The following NEGR1 variants were observed in gnomAD, a reference collection of about 807,000 sequenced individuals.
NEGR1 encodes the protein neuronal growth regulator 1, also known as IgLON family member 4.
A neutral mutation model predicts 40.9 loss-of-function variants in NEGR1; 10 were observed. That is an observed-to-expected ratio of 0.24 (90% CI 0.15 to 0.42). The LOEUF (loss-of-function observed/expected upper bound fraction) is 0.42, where lower values mean the gene tolerates loss of function less well. NEGR1 is among the 10% of genes least tolerant of loss of function. The pLI is 1.00. For synonymous variants in NEGR1, 185 were observed against 166.8 expected, an observed-to-expected ratio of 1.11 and a Z score of -0.84; for missense variants, 352 against 438.9, an observed-to-expected ratio of 0.80 and a Z score of 1.77.
At chr1:71,971,580 T>C (rs1055602348) in intron 1 of NEGR1, among the ~76,000 whole-genome samples, 2 of 152,216 alleles carry the variant, frequency 1.3e-5, no homozygotes, top group African/African-American at 4.8e-5. Flanking sequence ...GTTAAAGTAC[T>C]AGGTAGATAA....
chr1:71,754,424 G>T lies in NEGR1; in HGVS notation c.535+21748C>A, dbSNP rs564896145. Reference sequence around the variant, plus strand: ...TGGTCTTTTTAACATAAATATTTTTGGTGAAATAAGGAAAAATCCCCTCTT... The same window carrying T: ...TGGTCTTTTTAACATAAATATTTTTTGTGAAATAAGGAAAAATCCCCTCTT... On this transcript the variant is annotated intron_variant, in intron 3 of 6. Coordinates refer to ENST00000357731, the MANE Select transcript of NEGR1 (RefSeq NM_173808.3). Among the ~76,000 whole-genome samples, 4 of 151,930 alleles carry T rather than the reference G, an allele frequency of 2.6e-5. No individual in the cohort carries two copies. The East Asian group carries it at 5.8e-4, about 22-fold the overall frequency.
chr1:72,173,029 C>G lies in NEGR1; in HGVS notation c.176+109290G>C, dbSNP rs150462480. ...TTTATTTATTTATTTTTTATTGAGA[C>G]AGGGTCTCATTTTGTCACCCAGGCT... On this transcript the variant is annotated intron_variant, in intron 1 of 6. Coordinates refer to ENST00000357731, the MANE Select transcript of NEGR1 (RefSeq NM_173808.3). 7.7e-3 allele frequency among the ~76,000 whole-genome samples: 1,175 copies of G among 151,868 alleles called. 11 individuals carry two copies. Among genetic ancestry groups the G allele is most frequent in the African/African-American group, 0.026 (1,082 of 41,464 alleles).
intron 1 of NEGR1, among the ~76,000 whole-genome samples, chr1:72,216,784 T>A (rs1470506500): frequency 6.6e-6 from 1 of 151,504 alleles, no homozygotes; most frequent in Non-Finnish European, 1.5e-5. Context: ...AGGGTATTTA[T>A]AATAGTGTCT....
chr1:72,183,517 T>C (rs1336083173), intron 1 of NEGR1, among the ~76,000 whole-genome samples: 1 of 152,152 alleles, frequency 6.6e-6, no homozygotes, highest in Non-Finnish European at 1.5e-5. Flanking sequence ...TTCATCTTTC[T>C]TGTTTCCCCT....
chr1:71,460,190 G>A (rs557059347), intron 6 of NEGR1, among the ~76,000 whole-genome samples: 68 of 152,244 alleles, frequency 4.5e-4, no homozygotes, highest in African/African-American at 1.4e-3. Flanking sequence ...ATTACATATC[G>A]TGAACTGTGA....
At chr1:71,909,976 G>A (rs560537318) in intron 2 of NEGR1, among the ~76,000 whole-genome samples, 1 of 152,222 alleles carries the variant, frequency 6.6e-6, no homozygotes, top group East Asian at 1.9e-4. Flanking sequence ...TCTATCATAC[G>A]ATTATAGCTT....
At chr1:72,225,556 T>C (rs1471107493) in intron 1 of NEGR1, among the ~76,000 whole-genome samples, 1 of 151,490 alleles carries the variant, frequency 6.6e-6, no homozygotes, top group African/African-American at 2.4e-5. Context: ...AATTGTGCCA[T>C]TAATATAGGG....
intron 2 of NEGR1, among the ~76,000 whole-genome samples, chr1:71,797,880 T>C (rs1469636285): frequency 2.6e-5 from 4 of 152,062 alleles, no homozygotes; most frequent in African/African-American, 9.7e-5. Flanking sequence ...TTTTATCGAA[T>C]ATCTTTAGAA....
At chr1:71,555,660 C>G (rs1648230016) in intron 6 of NEGR1, among the ~76,000 whole-genome samples, 1 of 151,594 alleles carries the variant, frequency 6.6e-6, no homozygotes, top group Non-Finnish European at 1.5e-5. Context: ...TTTCCTAAGT[C>G]ACTCGTGAAC....
intron 6 of NEGR1, among the ~76,000 whole-genome samples, chr1:71,422,160 G>T (rs146828717): frequency 6.6e-6 from 1 of 152,038 alleles, no homozygotes; most frequent in African/African-American, 2.4e-5. Flanking sequence ...AAAAACTCAC[G>T]AATACAAATG....
At chr1:72,016,485 A>C (rs1052309318) in intron 1 of NEGR1, among the ~76,000 whole-genome samples, 5 of 152,176 alleles carry the variant, frequency 3.3e-5, no homozygotes, top group Non-Finnish European at 5.9e-5. Context: ...AAAGGACCAG[A>C]CAACCACCCA....
At chr1:72,190,821 A>C (rs1283721900) in intron 1 of NEGR1, among the ~76,000 whole-genome samples, 2 of 151,574 alleles carry the variant, frequency 1.3e-5, no homozygotes, top group Non-Finnish European at 3.0e-5. Context: ...AACATAACTA[A>C]ATAATTTTTG....
At chr1:71,644,245 A>G (rs1282475615) in intron 4 of NEGR1, among the ~76,000 whole-genome samples, 2 of 152,064 alleles carry the variant, frequency 1.3e-5, no homozygotes, top group East Asian at 3.9e-4. Flanking sequence ...GTTTTTCCCC[A>G]GGGTTAGAAT....
chr1:71,603,991 T>C (rs558806393), intron 5 of NEGR1, among the ~76,000 whole-genome samples: 1 of 152,240 alleles, frequency 6.6e-6, no homozygotes, highest in South Asian at 2.1e-4. Context: ...CCATGTTACA[T>C]TAAACTAACA....
chr1:72,193,919 C>T (rs1429614484), intron 1 of NEGR1, among the ~76,000 whole-genome samples: 3 of 151,656 alleles, frequency 2.0e-5, no homozygotes, highest in Non-Finnish European at 4.4e-5. Context: ...ATAGTATATA[C>T]ACACAGTTAG....
intron 1 of NEGR1, among the ~76,000 whole-genome samples, chr1:72,063,777 C>T (rs1647213141): frequency 6.6e-6 from 1 of 151,916 alleles, no homozygotes; most frequent in African/African-American, 2.4e-5. Flanking sequence ...CATTTTTAAT[C>T]ATGACTATTA....
intron 1 of NEGR1, among the ~76,000 whole-genome samples, chr1:72,269,475 G>A (rs573360269): frequency 1.1e-4 from 17 of 151,710 alleles, no homozygotes; most frequent in Admixed American, 9.2e-4. Context: ...GACATATTGC[G>A]GCTTTTGAAA....
At chr1:72,126,710 C>G (rs1406420883) in intron 1 of NEGR1, among the ~76,000 whole-genome samples, 1 of 152,162 alleles carries the variant, frequency 6.6e-6, no homozygotes, top group Admixed American at 6.5e-5. Context: ...TAAAGACTGA[C>G]AGTAGACACA....
intron 6 of NEGR1, among the ~76,000 whole-genome samples, chr1:71,591,974 G>A (rs1649516236): frequency 6.6e-6 from 1 of 152,184 alleles, no homozygotes; most frequent in South Asian, 2.1e-4. Context: ...CATTTGTCAA[G>A]TTACCATAAA....
Sources: gnomAD v4.1 joint callset for allele counts (sites outside exome capture counted in the v4.1 genomes callset) on GRCh38, gnomAD v4.1.1 for gene constraint, MANE v1.5 for transcripts, NCBI Gene and HGNC (gene_info 2026-07-23, HGNC 2026-07-21) for gene names.